LINS1: variants seen among roughly 807,000 people sequenced by gnomAD.
The protein encoded by LINS1 is protein Lines homolog 1.
A neutral mutation model predicts 41.6 loss-of-function variants in LINS1; 27 were observed. The ratio of observed to expected loss-of-function variants is 0.65; its 90% confidence interval spans 0.48 to 0.89. LINS1 has a LOEUF of 0.89. LINS1 is among the 40% of genes least tolerant of loss of function. The probability of loss-of-function intolerance (pLI) is 0.00; values close to 1 mark genes in which losing one functional copy is unlikely to be tolerated. For missense variants in LINS1, 955 were observed against 884.1 expected (o/e 1.08, Z -1.02); for synonymous variants, 336 against 312.9 (o/e 1.07, Z -0.78).
Position 100,569,487 on chromosome 15 carries a change from A to C in LINS1, c.2025T>G (p.Leu675=), listed in dbSNP as rs770558997. ...GTSRDKKEFS[L]EPPSRPLVLK... is the part of the protein sequence containing the mutation. The stretch of plus-strand genomic sequence containing the variant: ...GAACCAGAGGCCTTGATGGAGGCTC[A>C]AGGCTAAATTCTTTTTTATCCCTGC... Residue 675 remains leucine (L), a synonymous_variant, in exon 7 of 7, where the codon CTT becomes CTG. Transcript: ENST00000314742. The C allele has an allele frequency of 6.2e-6, 10 of 1,614,110 alleles. No homozygotes were observed. Among genetic ancestry groups the C allele is most frequent in the Non-Finnish European group, 8.5e-6 (10 of 1,180,050 alleles).
chr15:100,599,141 C>T (rs1329363358), intron 1 of LINS1, among the ~76,000 whole-genome samples: 1 of 152,132 alleles, frequency 6.6e-6, no homozygotes, highest in Non-Finnish European at 1.5e-5. Flanking sequence ...AATACTTATC[C>T]CAAATTATTT....
intron 5 of LINS1, 156 bp downstream of exon 5, chr15:100,573,494 TC>T (rs1373636654): frequency 1.4e-5 from 11 of 788,694 alleles, no homozygotes; most frequent in Non-Finnish European, 2.1e-5. Context: ...TAAATCCAGT[TC>T]TTTTTTTTTT....
intron 1 of LINS1, among the ~76,000 whole-genome samples, chr15:100,601,552 A>G (rs2039495361): frequency 6.6e-6 from 1 of 152,042 alleles, no homozygotes; most frequent in African/African-American, 2.4e-5. Context: ...ACACCATAGC[A>G]CTACCTATCT....
rs1284483077 is a variant in LINS1, at chr15:100,569,792, G to A, written c.1720C>T (p.Pro574Ser). The change falls in exon 7 of 7, where the codon CCC (proline) becomes TCC (serine). Residue 574 changes from proline (P) to serine (S), a missense_variant. By Grantham distance (74) the Pro-to-Ser change is moderately conservative. Coordinates refer to ENST00000314742, the MANE Select transcript of LINS1 (RefSeq NM_001040616.3). ...VQDQSSNQTI[P>S]HRLTAPHSHR... ...CTATGAGGAGCAGTCAAACGATGGG[G>A]TATTGTTTGGTTGGAGCTTTGGTCT... The A allele has an allele frequency of 4.3e-6, 7 of 1,614,026 alleles. No individual in the cohort carries two copies. The highest frequency in any genetic ancestry group is 1.6e-4 in the Middle Eastern group (1 of 6,062).
At chr15:100,585,188 G>A (rs1334367635) in intron 1 of LINS1, among the ~76,000 whole-genome samples, 6 of 152,228 alleles carry the variant, frequency 3.9e-5, no homozygotes, top group Admixed American at 2.6e-4. Context: ...GGTCAGAGAC[G>A]TCTGACACTC....
chr15:100,593,911 A>C (rs2039140325), intron 1 of LINS1, among the ~76,000 whole-genome samples: 1 of 152,220 alleles, frequency 6.6e-6, no homozygotes, highest in Admixed American at 6.5e-5. Context: ...TAATTTTTTC[A>C]AAAGATACTC....
chr15:100,572,694 A>G (rs139466795), intron 5 of LINS1: 5 of 986,276 alleles, frequency 5.1e-6, no homozygotes, highest in South Asian at 9.4e-5. Flanking sequence ...TCACAATTCA[A>G]ACTTTTCACT....
intron 1 of LINS1, among the ~76,000 whole-genome samples, chr15:100,594,337 C>A (rs1337145179): frequency 6.6e-6 from 1 of 152,080 alleles, no homozygotes; most frequent in Non-Finnish European, 1.5e-5. Context: ...AATCAACAGG[C>A]CAGCATGGTA....
chr15:100,573,810 C>G lies in LINS1; in HGVS notation c.1063G>C (p.Val355Leu). The change falls in exon 5 of 7, where the codon GTT (valine) becomes CTT (leucine). Residue 355 changes from valine (V) to leucine (L), a missense_variant. Physicochemically the swap from Val to Leu is conservative, Grantham distance 32. Transcript: ENST00000314742. ...VNSGLLKTLSVYEKHSFFGGD... is the reference protein window; with the variant it reads ...VNSGLLKTLSLYEKHSFFGGD... Reference sequence around the variant, plus strand: ...CCAAAAAAGGAATGTTTTTCATAAACAGACAGTGTCTTCAACAACCCCGAA... The same window carrying G: ...CCAAAAAAGGAATGTTTTTCATAAAGAGACAGTGTCTTCAACAACCCCGAA... 1 of 1,614,218 alleles carries G rather than the reference C, an allele frequency of 6.2e-7. No individual in the cohort carries two copies.
chr15:100,591,739 C>T (rs1373877469), intron 1 of LINS1, among the ~76,000 whole-genome samples: 1 of 152,164 alleles, frequency 6.6e-6, no homozygotes, highest in Non-Finnish European at 1.5e-5. Flanking sequence ...GATCATGCAA[C>T]AAAGGTTCCA....
At chr15:100,597,304 G>A (rs959601361) in intron 1 of LINS1, among the ~76,000 whole-genome samples, 4 of 151,084 alleles carry the variant, frequency 2.6e-5, no homozygotes, top group African/African-American at 9.7e-5. Flanking sequence ...AATTAATGCT[G>A]GACATTAGAA....
chr15:100,570,420 G>A, intron 6 of LINS1: 1 of 251,766 alleles, frequency 4.0e-6, no homozygotes. Flanking sequence ...AATTCCATGT[G>A]GTAAGATAAT....
intron 3 of LINS1, among the ~76,000 whole-genome samples, chr15:100,576,051 A>G (rs2038156360): frequency 6.6e-6 from 1 of 152,250 alleles, no homozygotes; most frequent in Non-Finnish European, 1.5e-5. Context: ...TTACAGCACT[A>G]AATGCCCACA....
In LINS1 at chr15:100,574,128, G is replaced by A. The variant is rs753912967; in HGVS notation, c.745C>T (p.Leu249=). The A allele has an allele frequency of 8.1e-6, 13 of 1,613,760 alleles. No homozygotes were observed. The highest frequency in any genetic ancestry group is 9.3e-6 in the Non-Finnish European group (11 of 1,179,626). Residue 249 remains leucine (L), a synonymous_variant, in exon 5 of 7, where the codon CTG becomes TTG. Coordinates refer to ENST00000314742, the MANE Select transcript of LINS1 (RefSeq NM_001040616.3). Reference sequence around the variant, plus strand: ...TCAAGCAAATCCAGGAAACACATCAGGATGTTTACTATTTTAGAAGTATCC... The same window carrying A: ...TCAAGCAAATCCAGGAAACACATCAAGATGTTTACTATTTTAGAAGTATCC... ...CRDTSKIVNI[L]MCFLDLLELL...
rs932719961 is a variant in LINS1 at position 100,568,796 on chromosome 15, A to G, written c.*442T>C. ...ACTTGATGTCTCTTTTTCAGTCACTAGGTTGCTTCCAATAAGGCAAAAAGT... is the reference window on the plus strand; with the variant it reads ...ACTTGATGTCTCTTTTTCAGTCACTGGGTTGCTTCCAATAAGGCAAAAAGT... On this transcript the variant is annotated 3_prime_UTR_variant, in exon 7 of 7. Transcript: ENST00000314742. 3 of 171,884 alleles carry G rather than the reference A, an allele frequency of 1.7e-5. No homozygotes were observed. Among genetic ancestry groups the G allele is most frequent in the African/African-American group, 7.2e-5 (3 of 41,546 alleles). 10.6% of individuals were successfully genotyped at this position (171,884 alleles called of 1,614,324 possible).
chr15:100,587,952 C>A (rs1190539987), intron 1 of LINS1, among the ~76,000 whole-genome samples: 1 of 152,176 alleles, frequency 6.6e-6, no homozygotes, highest in Non-Finnish European at 1.5e-5. Context: ...GGAGAAAGAG[C>A]CCAGAAATCT....
chr15:100,594,539 G>A (rs1053164811), intron 1 of LINS1, among the ~76,000 whole-genome samples: 28 of 152,158 alleles, frequency 1.8e-4, no homozygotes, highest in Non-Finnish European at 3.4e-4. Context: ...AAAATCTACA[G>A]ATGCCCAAGT....
At chr15:100,577,755 G>A (rs12913885) in intron 3 of LINS1, among the ~76,000 whole-genome samples, 145,846 of 152,204 alleles carry the variant, frequency 0.96, 70,156 homozygotes, top group East Asian at 1. Flanking sequence ...GAGGCATCAC[G>A]CTACCTGACT....
chr15:100,600,467 A>G (rs1211152369), intron 1 of LINS1, among the ~76,000 whole-genome samples: 2 of 146,864 alleles, frequency 1.4e-5, no homozygotes, highest in Non-Finnish European at 1.5e-5. Flanking sequence ...ATCTAAAACA[A>G]TGGCTTCCTA....
Sources: gnomAD v4.1 joint callset for allele counts (sites outside exome capture counted in the v4.1 genomes callset) on GRCh38, gnomAD v4.1.1 for gene constraint, MANE v1.5 for transcripts, NCBI Gene and HGNC (gene_info 2026-07-23, HGNC 2026-07-21) for gene names.